RAI14: variants seen among roughly 807,000 people sequenced by gnomAD.
RAI14 encodes the protein ankycorbin.
RAI14 carries 45 observed loss-of-function variants against 115.4 expected under a neutral mutation model. The observed-to-expected ratio is 0.39, with a 90% CI of 0.31 to 0.50. The LOEUF (loss-of-function observed/expected upper bound fraction) is 0.50. Ranked by LOEUF, RAI14 falls within the 20% of genes least tolerant of loss-of-function variation. The pLI is 0.85. For missense variants in RAI14, 939 were observed against 1,131.2 expected (o/e 0.83, Z 2.44); for synonymous variants, 371 against 415.4 (o/e 0.89, Z 1.30).
intron 2 of RAI14, chr5:34,688,351 C>A: frequency 8.5e-7 from 1 of 1,173,222 alleles, no homozygotes; most frequent in South Asian, 1.5e-5. Flanking sequence ...ATCTAGGTAG[C>A]TTTCATTTAC....
intron 3 of RAI14, among the ~76,000 whole-genome samples, chr5:34,768,895 A>G (rs917555110): frequency 6.6e-6 from 1 of 152,084 alleles, no homozygotes; most frequent in Non-Finnish European, 1.5e-5. Flanking sequence ...AGGCTGAGGC[A>G]CATGAATCGC....
chr5:34,807,560 G>A (rs2150246680), intron 5 of RAI14, among the ~76,000 whole-genome samples: 1 of 152,208 alleles, frequency 6.6e-6, no homozygotes, highest in South Asian at 2.1e-4. Flanking sequence ...GTGCTGGAGT[G>A]ATGAGGGAAG....
At chr5:34,803,574 A>C in intron 4 of RAI14, 138 bp from the exon 5 acceptor site, 3 of 737,468 alleles carry the variant, frequency 4.1e-6, no homozygotes, top group South Asian at 1.9e-5. Flanking sequence ...AAAAAAACAA[A>C]CAAACAAAAA....
At chr5:34,681,283 A>G (rs1276907848) in intron 1 of RAI14, among the ~76,000 whole-genome samples, 3 of 152,198 alleles carry the variant, frequency 2.0e-5, no homozygotes, top group Non-Finnish European at 4.4e-5. Context: ...CAAGCACTTG[A>G]GTGAGAAGAG....
intron 3 of RAI14, among the ~76,000 whole-genome samples, chr5:34,772,921 C>A (rs1750359397): frequency 6.6e-6 from 1 of 152,150 alleles, no homozygotes; most frequent in Admixed American, 6.6e-5. Flanking sequence ...TATCAATAAG[C>A]AGCAAAGGGA....
chr5:34,724,129 G>T (rs974440342), intron 2 of RAI14, among the ~76,000 whole-genome samples: 3 of 152,192 alleles, frequency 2.0e-5, no homozygotes, highest in Non-Finnish European at 2.9e-5. Flanking sequence ...AGATTCTCCT[G>T]CCTCAGCCTC....
intron 17 of RAI14, among the ~76,000 whole-genome samples, chr5:34,830,349 T>A (rs1224686861): frequency 6.6e-6 from 1 of 152,172 alleles, no homozygotes; most frequent in Non-Finnish European, 1.5e-5. Flanking sequence ...GGGCTTTATT[T>A]TCCAGCAATG....
chr5:34,693,441 C>T (rs867137884), intron 2 of RAI14, among the ~76,000 whole-genome samples: 8 of 152,192 alleles, frequency 5.3e-5, no homozygotes, highest in African/African-American at 7.2e-5. Flanking sequence ...AGAGTGAACA[C>T]GTATGGATGG....
chr5:34,734,002 G>A (rs1432954831), intron 2 of RAI14, among the ~76,000 whole-genome samples: 1 of 152,164 alleles, frequency 6.6e-6, no homozygotes, highest in Non-Finnish European at 1.5e-5. Flanking sequence ...CATCCCTGCC[G>A]CTCCCAGCTG....
At chr5:34,815,867 C>T (rs1056426170) in intron 12 of RAI14, among the ~76,000 whole-genome samples, 9 of 152,220 alleles carry the variant, frequency 5.9e-5, no homozygotes, top group East Asian at 1.9e-4. Flanking sequence ...ACATTATGTA[C>T]GTATTTGCAG....
intron 2 of RAI14, among the ~76,000 whole-genome samples, chr5:34,691,277 C>T (rs1013370737): frequency 1.3e-5 from 2 of 152,110 alleles, no homozygotes; most frequent in African/African-American, 4.8e-5. Context: ...CAGGAGAGTA[C>T]CTGTGGCATG....
chr5:34,677,375 G>A (rs1450428911), intron 1 of RAI14, among the ~76,000 whole-genome samples: 1 of 151,968 alleles, frequency 6.6e-6, no homozygotes, highest in Non-Finnish European at 1.5e-5. Context: ...TGTTGGCCAG[G>A]CTGGTCTTGA....
intron 1 of RAI14, among the ~76,000 whole-genome samples, chr5:34,673,928 G>A (rs1373041225): frequency 6.6e-6 from 1 of 152,146 alleles, no homozygotes; most frequent in Non-Finnish European, 1.5e-5. Context: ...CACCTCTAGG[G>A]GAGTAGCTAT....
intron 4 of RAI14, among the ~76,000 whole-genome samples, chr5:34,800,449 C>T (rs1183942029): frequency 6.6e-6 from 1 of 152,154 alleles, no homozygotes; most frequent in Non-Finnish European, 1.5e-5. Flanking sequence ...ATATGGGAGT[C>T]AGAGATGCAT....
chr5:34,805,005 A>G (rs904358751), intron 5 of RAI14, among the ~76,000 whole-genome samples: 1 of 152,228 alleles, frequency 6.6e-6, no homozygotes, highest in African/African-American at 2.4e-5. Flanking sequence ...AGAACCAGAT[A>G]TTCTAGTCTC....
intron 2 of RAI14, among the ~76,000 whole-genome samples, chr5:34,708,300 TC>T (rs1740969907): frequency 6.6e-6 from 1 of 152,048 alleles, no homozygotes; most frequent in African/African-American, 2.4e-5. Flanking sequence ...CCTCCCGCGT[TC>T]AAGCGATTCT....
intron 2 of RAI14, among the ~76,000 whole-genome samples, chr5:34,714,726 A>T (rs1741795682): frequency 6.6e-6 from 1 of 152,178 alleles, no homozygotes; most frequent in South Asian, 2.1e-4. Context: ...AAAAAGTTTT[A>T]GCCCCAGGAT....
intron 2 of RAI14, among the ~76,000 whole-genome samples, chr5:34,753,733 G>A (rs1158968122): frequency 6.6e-6 from 1 of 152,152 alleles, no homozygotes; most frequent in Middle Eastern, 3.2e-3. Flanking sequence ...GGCTAACATG[G>A]TGAAACCCCA....
chr5:34,693,858 T>C (rs1343327789), intron 2 of RAI14, among the ~76,000 whole-genome samples: 5 of 152,230 alleles, frequency 3.3e-5, no homozygotes, highest in African/African-American at 1.2e-4. Flanking sequence ...AGTCCATCCA[T>C]AGTGGCAAAG....
Sources: gnomAD v4.1 joint callset for allele counts (sites outside exome capture counted in the v4.1 genomes callset) on GRCh38, gnomAD v4.1.1 for gene constraint, MANE v1.5 for transcripts, NCBI Gene and HGNC (gene_info 2026-07-23, HGNC 2026-07-21) for gene names.